Variants in ZNF454 observed in about 807,000 individuals in gnomAD.
ZNF454 encodes zinc finger protein 454.
In ZNF454, 30 loss-of-function variants were observed where a neutral mutation model predicts 48.2. The ratio of observed to expected loss-of-function variants is 0.62; its 90% CI spans 0.47 to 0.84. ZNF454 has a LOEUF of 0.84. Ranked by LOEUF, ZNF454 falls within the 40% of genes least tolerant of loss-of-function variation. The probability of loss-of-function intolerance (pLI) is 0.00; values close to 1 mark genes in which losing one functional copy is unlikely to be tolerated. For synonymous variants in ZNF454, 204 were observed against 211.4 expected (o/e 0.97, Z 0.30); for missense variants, 510 against 623.1 (o/e 0.82, Z 1.93).
At chr5:178,963,557 A>G (rs1476179608) in intron 4 of ZNF454, among the ~76,000 whole-genome samples, 2 of 151,690 alleles carry the variant, frequency 1.3e-5, no homozygotes, top group Non-Finnish European at 2.9e-5. Context: ...ATTTCTCGTG[A>G]ATTCTGCATC....
chr5:178,985,571 C>T, the ZNF454 span: 4,120 of 338,286 alleles, frequency 0.012, 121 homozygotes, highest in Admixed American at 0.075. Flanking sequence ...GGCGTGGTGG[C>T]GGGCGCCTGT....
chr5:178,955,811 G>A (rs528747669), intron 4 of ZNF454, among the ~76,000 whole-genome samples: 1 of 152,260 alleles, frequency 6.6e-6, no homozygotes, highest in East Asian at 1.9e-4. Flanking sequence ...GAAGACTTGT[G>A]GGACAGTTTT....
Position 178,946,803 on chromosome 5 carries a change from C to A in ZNF454, c.161-94C>A. The A allele has an allele frequency of 8.3e-7, 1 of 1,200,962 alleles. No homozygotes were observed. The highest frequency in any genetic ancestry group is 1.2e-6 in the Non-Finnish European group (1 of 831,060). The allele number at this position is 1,200,962 out of a possible 1,614,324, so 74.4% of individuals were successfully genotyped here. A position where few individuals can be genotyped will look rare whatever the true frequency, so the allele number is the denominator to read the frequency against. ...GGGCTTTCCTATCAAGTCCCATTTCCCAGCAAGCTCTGAGGACCAGGCTTT... is the reference window on the plus strand; with the variant it reads ...GGGCTTTCCTATCAAGTCCCATTTCACAGCAAGCTCTGAGGACCAGGCTTT... On this transcript the variant is annotated intron_variant, in intron 3 of 4. Transcript: ENST00000519564. This position sits in a 1 kb window ranked among gnomAD's most constrained non-coding sequence, Gnocchi z 4.5.
At chr5:178,981,176 T>C in the ZNF454 span, 11 of 179,214 alleles carry the variant, frequency 6.1e-5, no homozygotes, top group South Asian at 1.5e-3. This position sits in a 1 kb window ranked among gnomAD's most constrained non-coding sequence, Gnocchi z 5.1. Context: ...AGTGCCTCCA[T>C]CCAGATGCAC....
chr5:178,945,746 A>G (rs1193956257), intron 2 of ZNF454, among the ~76,000 whole-genome samples: 1 of 151,672 alleles, frequency 6.6e-6, no homozygotes, highest in Non-Finnish European at 1.5e-5. Flanking sequence ...GGAGGTACAC[A>G]CTGAAGAAAA....
chr5:178,979,915 A>C, the ZNF454 span: 1 of 154,512 alleles, frequency 6.5e-6, no homozygotes, highest in African/African-American at 2.4e-5. Context: ...ATTACCCATG[A>C]GAGAGCTGCA....
In ZNF454 at chr5:178,947,516, G is replaced by A. The variant is rs1393312808; in HGVS notation, c.250+530G>A. On this transcript the variant is annotated intron_variant, in intron 4 of 4. Transcript: ENST00000519564. ...ATTGTCTTTGACTGCAAGTGCCATG[G>A]AGCCCAGGTTATTGTATATTTTGCT... Among the ~76,000 whole-genome samples, 8 of 152,246 alleles carry A rather than the reference G, an allele frequency of 5.3e-5. No individual in the cohort carries two copies. The South Asian group carries it at 1.2e-3, about 24-fold the overall frequency.
chr5:178,958,625 C>A lies in ZNF454; in HGVS notation c.251-6030C>A, dbSNP rs138035503. On this transcript the variant is annotated intron_variant, in intron 4 of 4. Coordinates refer to ENST00000519564, the MANE Select transcript of ZNF454 (RefSeq NM_001178089.3). Reference sequence around the variant, plus strand: ...AATAGCTAGGAGTGCTATGATTATGCATATGCAAACTCTAACAGACAGAGC... The same window carrying A: ...AATAGCTAGGAGTGCTATGATTATGAATATGCAAACTCTAACAGACAGAGC... Among the ~76,000 whole-genome samples, 1,417 of 152,318 alleles carry A rather than the reference C, an allele frequency of 9.3e-3. 20 individuals are homozygous for A. The highest frequency in any genetic ancestry group is 0.033 in the African/African-American group (1,360 of 41,576).
rs1325402456 is a variant in ZNF454 at position 178,941,408 on chromosome 5, G to A, written c.-144G>A. ...GGAGGTGCGGGTTGTGGTCCATTCT[G>A]GAGGACGCTGATCGAATGCCCCAAA... On this transcript the variant is annotated 5_prime_UTR_variant, in exon 1 of 5. Transcript: ENST00000519564. The surrounding 1 kb of genome is among the most constrained non-coding windows in gnomAD (Gnocchi z 5.5). 1 of 456,778 alleles carries A rather than the reference G, an allele frequency of 2.2e-6. No homozygotes were observed. Among genetic ancestry groups the A allele is most frequent in the Non-Finnish European group, 4.4e-6 (1 of 226,980 alleles). 28.3% of individuals were successfully genotyped at this position (456,778 alleles called of 1,614,324 possible). A position where few individuals can be genotyped will look rare whatever the true frequency, so the allele number is the denominator to read the frequency against.
At chr5:178,962,168 C>T (rs953011698) in intron 4 of ZNF454, among the ~76,000 whole-genome samples, 1 of 151,526 alleles carries the variant, frequency 6.6e-6, no homozygotes, top group African/African-American at 2.4e-5. Flanking sequence ...CTTGACAGTT[C>T]GGTTCTTTCA....
At chr5:178,988,939 G>T in the ZNF454 span, 1 of 1,612,242 alleles carries the variant, frequency 6.2e-7, no homozygotes, top group Non-Finnish European at 8.5e-7. The surrounding 1 kb of genome is among the most constrained non-coding windows in gnomAD (Gnocchi z 6.0). Flanking sequence ...ACTCACCATT[G>T]AAGCGGACAG....
the ZNF454 span, chr5:178,989,389 G>A: frequency 1.2e-6 from 2 of 1,614,116 alleles, no homozygotes; most frequent in East Asian, 2.2e-5. Context: ...ATCGAGTCAT[G>A]AAGTACTGGT....
Position 178,946,605 on chromosome 5 carries a change from T to A in ZNF454, c.160+120T>A. On this transcript the variant is annotated intron_variant, in intron 3 of 4. Transcript: ENST00000519564. The surrounding 1 kb of genome is among the most constrained non-coding windows in gnomAD (Gnocchi z 4.5). ...GAGGACGCTGTCTTCAAGGGTGCCA[T>A]TAATTTTACCTGTCCTTGGTGTCCT... The A allele has an allele frequency of 7.2e-7, 1 of 1,384,138 alleles. No individual in the cohort carries two copies. The highest frequency in any genetic ancestry group is 9.7e-7 in the Non-Finnish European group (1 of 1,030,870). The allele number at this position is 1,384,138 out of a possible 1,614,324, so 85.7% of individuals were successfully genotyped here.
At chr5:178,966,701 T>C (rs1457335922), downstream of ZNF454, among the ~76,000 whole-genome samples, 2 of 152,102 alleles carry the variant, frequency 1.3e-5, no homozygotes, top group Non-Finnish European at 2.9e-5. Context: ...ATAAGAGAGT[T>C]GCCAGCTTTA....
Position 178,941,831 on chromosome 5 carries a change from C to T in ZNF454, c.-108+387C>T, listed in dbSNP as rs1759101680. Among the ~76,000 whole-genome samples the T allele has an allele frequency of 6.6e-6, 1 of 152,176 alleles. No individual in the cohort carries two copies. Among genetic ancestry groups the T allele is most frequent in the African/African-American group, 2.4e-5 (1 of 41,452 alleles). Reference sequence around the variant, plus strand: ...GACTCCAGGCCACCCAGACTGGGCCCCAGAGAGTGAGAACACTGAGGCCAG... The same window carrying T: ...GACTCCAGGCCACCCAGACTGGGCCTCAGAGAGTGAGAACACTGAGGCCAG... On this transcript the variant is annotated intron_variant, in intron 1 of 4. Transcript: ENST00000519564. The surrounding 1 kb of genome is among the most constrained non-coding windows in gnomAD (Gnocchi z 5.5).
At chr5:178,972,033 A>T in the ZNF454 span, among the ~76,000 whole-genome samples, 1 of 152,066 alleles carries the variant, frequency 6.6e-6, no homozygotes, top group Non-Finnish European at 1.5e-5. Context: ...TCCTGGGTTC[A>T]AGTGATTCTC....
chr5:178,947,004 G>T lies in ZNF454; in HGVS notation c.250+18G>T. 1 of 1,605,036 alleles carries T rather than the reference G, an allele frequency of 6.2e-7. No individual in the cohort carries two copies. Among genetic ancestry groups the T allele is most frequent in the Non-Finnish European group, 8.5e-7 (1 of 1,174,216 alleles). On this transcript the variant is annotated intron_variant, in intron 4 of 4. Transcript: ENST00000519564. ...CTGTCTTGGTAAGAATCATGTGTGT[G>T]GGAGACACCGGGAGGAGCCCTGCTG...
At chr5:178,945,645 A>G (rs533197635) in intron 2 of ZNF454, among the ~76,000 whole-genome samples, 95 of 110,978 alleles carry the variant, frequency 8.6e-4, no homozygotes, top group Non-Finnish European at 1.4e-3. Flanking sequence ...GTGTGTGTGT[A>G]TGTGGAAGGG....
chr5:178,947,095 G>C (rs893538708), intron 4 of ZNF454, 109 bp downstream of exon 4: 9 of 884,822 alleles, frequency 1.0e-5, no homozygotes, highest in African/African-American at 1.7e-5. Flanking sequence ...GATTGAGAAA[G>C]AGCCTGTTTC....
Sources: gnomAD v4.1 joint callset for allele counts (sites outside exome capture counted in the v4.1 genomes callset) on GRCh38, gnomAD v4.1.1 for gene constraint, Gnocchi (gnomAD v3.1) non-coding constraint, MANE v1.5 for transcripts, NCBI Gene and HGNC (gene_info 2026-07-23, HGNC 2026-07-21) for gene names.